The following DMXL1 variants were observed in gnomAD, a reference collection of about 807,000 sequenced individuals.
The protein encoded by DMXL1 is dmX-like protein 1.
Under a neutral mutation model 319.2 loss-of-function variants are expected in DMXL1, and 99 were observed. The ratio of observed to expected loss-of-function variants is 0.31; its 90% CI spans 0.26 to 0.37. The LOEUF is 0.37. Ranked by LOEUF, DMXL1 falls within the 10% of genes least tolerant of loss-of-function variation. DMXL1 has a pLI of 1.00. For missense variants in DMXL1, 3,745 were observed against 3,595.6 expected, an observed-to-expected ratio of 1.04 and a Z score of -1.06; for synonymous variants, 1,385 against 1,235.2, an observed-to-expected ratio of 1.12 and a Z score of -2.54.
intron 1 of DMXL1, among the ~76,000 whole-genome samples, chr5:119,090,077 A>G (rs1293929042): frequency 2.5e-5 from 3 of 117,672 alleles, no homozygotes; most frequent in African/African-American, 3.3e-5. Context: ...CTGGAGTGCA[A>G]TGGTGAGATC....
At chr5:119,197,134 T>G (rs1779782218) in intron 31 of DMXL1, among the ~76,000 whole-genome samples, 5 of 152,212 alleles carry the variant, frequency 3.3e-5, no homozygotes. Flanking sequence ...AAGTATTATT[T>G]AATTTTAACT....
intron 28 of DMXL1, chr5:119,178,528 G>C (rs1409600361): frequency 2.5e-6 from 2 of 803,678 alleles, no homozygotes; most frequent in Non-Finnish European, 3.0e-6. Flanking sequence ...TGTAATATTG[G>C]TTTTTGTTCT....
chr5:119,216,879 T>C (rs1402853132), intron 34 of DMXL1, 22 bp from the exon 35 acceptor site: 1 of 1,351,090 alleles, frequency 7.4e-7, no homozygotes, highest in Non-Finnish European at 1.1e-6. Flanking sequence ...TGCATTTTTG[T>C]GTTTTGTTTC....
chr5:119,079,019 T>C (rs1250154040), intron 1 of DMXL1, among the ~76,000 whole-genome samples: 1 of 152,214 alleles, frequency 6.6e-6, no homozygotes, highest in Non-Finnish European at 1.5e-5. Flanking sequence ...TTCTTTCTTG[T>C]TCCTGTATAT....
chr5:119,208,957 A>G (rs543446950), intron 34 of DMXL1, among the ~76,000 whole-genome samples: 1 of 152,304 alleles, frequency 6.6e-6, no homozygotes, highest in South Asian at 2.1e-4. Context: ...ATAGAATCAT[A>G]TAATACATCA....
chr5:119,185,389 A>G (rs1373222342), intron 28 of DMXL1, among the ~76,000 whole-genome samples: 2 of 152,140 alleles, frequency 1.3e-5, no homozygotes, highest in Non-Finnish European at 2.9e-5. Context: ...TTTCATTTTT[A>G]TAGATATTTA....
At chr5:119,239,951 C>T (rs1236809059) in intron 41 of DMXL1, among the ~76,000 whole-genome samples, 3 of 131,732 alleles carry the variant, frequency 2.3e-5, no homozygotes, top group African/African-American at 8.1e-5. Context: ...GAGTGTAAAA[C>T]TCCATCTCAA....
Position 119,114,484 on chromosome 5 carries a change from C to G in DMXL1, c.507C>G (p.Ser169=). The change falls in exon 6 of 44, where the codon TCC becomes TCG. Residue 169 remains serine (S), a synonymous_variant. Coordinates refer to ENST00000539542, the MANE Select transcript of DMXL1 (RefSeq NM_001290321.3). ...WKCIWHCKTA[S]QVHLMKFSPD... ...TCTGTTTAATTTACAGAACTGCTTC[C>G]CAAGTTCATTTAATGAAATTTTCAC... 2 of 1,606,326 alleles carry G rather than the reference C, an allele frequency of 1.2e-6. No homozygotes were observed. The highest frequency in any genetic ancestry group is 1.7e-6 in the Non-Finnish European group (2 of 1,176,888).
intron 9 of DMXL1, chr5:119,127,903 C>T (rs559537663): frequency 5.6e-6 from 2 of 358,410 alleles, no homozygotes; most frequent in East Asian, 8.4e-5. Flanking sequence ...ATGATATTCA[C>T]TTTTTCAAGC....
intron 4 of DMXL1, among the ~76,000 whole-genome samples, chr5:119,107,492 A>G (rs1012203150): frequency 6.6e-6 from 1 of 152,120 alleles, no homozygotes; most frequent in Non-Finnish European, 1.5e-5. Flanking sequence ...TAGACTTTTT[A>G]TGCTTTTTTC....
chr5:119,175,455 T>A, intron 26 of DMXL1, 118 bp downstream of exon 26: 1 of 688,160 alleles, frequency 1.5e-6, no homozygotes, highest in Non-Finnish European at 2.3e-6. Context: ...AAAAAGCATA[T>A]GGTTGAGGTT....
chr5:119,116,184 T>C lies in DMXL1; in HGVS notation c.591T>C (p.Tyr197=), dbSNP rs1451037872. Residue 197 remains tyrosine, a synonymous_variant, in exon 7 of 44, where the codon TAT becomes TAC. Coordinates refer to ENST00000539542, the MANE Select transcript of DMXL1 (RefSeq NM_001290321.3). The part of the protein sequence containing the change: ...GKDDCLLKVW[Y]NVENWRTAVT... ...ATGACTGTCTTTTGAAGGTTTGGTA[T>C]AATGTAGAAAACTGGCGGACAGCTG... 6 of 1,613,386 alleles carry C rather than the reference T, an allele frequency of 3.7e-6. No homozygotes were observed. Among genetic ancestry groups the C allele is most frequent in the Non-Finnish European group, 5.1e-6 (6 of 1,179,530 alleles).
At chr5:119,157,280 T>G (rs769800024) in intron 19 of DMXL1, among the ~76,000 whole-genome samples, 64 of 152,372 alleles carry the variant, frequency 4.2e-4, no homozygotes, top group Non-Finnish European at 8.1e-4. Context: ...GCTTTTCTCT[T>G]CACTCTGCTA....
At chr5:119,109,028 C>T (rs776141644) in intron 4 of DMXL1, among the ~76,000 whole-genome samples, 7 of 148,634 alleles carry the variant, frequency 4.7e-5, no homozygotes, top group South Asian at 2.1e-4. Flanking sequence ...CTTGGACTCC[C>T]GACCTCAGGT....
intron 4 of DMXL1, among the ~76,000 whole-genome samples, chr5:119,108,827 G>T (rs1051527659): frequency 2.6e-5 from 4 of 151,732 alleles, no homozygotes; most frequent in African/African-American, 9.7e-5. Context: ...TTGAGGTGGT[G>T]TTTCGCTCTT....
chr5:119,132,765 A>C lies in DMXL1; in HGVS notation c.1316-367A>C, dbSNP rs147599312. 1.1e-4 allele frequency: 57 copies of C among 542,542 alleles called. No individual in the cohort carries two copies. The East Asian group carries it at 3.0e-3, about 28-fold the overall frequency. The allele number at this position is 542,542 out of a possible 1,614,324, so 33.6% of individuals were successfully genotyped here. A position where few individuals can be genotyped will look rare whatever the true frequency, so the allele number is the denominator to read the frequency against. On this transcript the variant is annotated intron_variant, in intron 10 of 43. Coordinates refer to ENST00000539542, the MANE Select transcript of DMXL1 (RefSeq NM_001290321.3). ...CTGCTGGCTATGAAACTCACCACCA[A>C]AGGTAAACGATTAATTTGAACTACT...
chr5:119,121,236 G>A, intron 9 of DMXL1, 97 bp downstream of exon 9: 2 of 991,540 alleles, frequency 2.0e-6, no homozygotes, highest in Non-Finnish European at 2.8e-6. Context: ...GTAAAATATT[G>A]GAGGTGACTG....
chr5:119,130,505 G>A (rs1025928550), intron 10 of DMXL1, among the ~76,000 whole-genome samples: 4 of 152,046 alleles, frequency 2.6e-5, no homozygotes, highest in Non-Finnish European at 4.4e-5. Context: ...ACCACACCTG[G>A]CTAATTTTTT....
intron 28 of DMXL1, among the ~76,000 whole-genome samples, chr5:119,182,495 C>A (rs1776950371): frequency 6.6e-6 from 1 of 152,004 alleles, no homozygotes; most frequent in Admixed American, 6.6e-5. Flanking sequence ...CATTTGTTTT[C>A]CTTGTTCTGT....
Sources: gnomAD v4.1 joint callset for allele counts (sites outside exome capture counted in the v4.1 genomes callset) on GRCh38, gnomAD v4.1.1 for gene constraint, MANE v1.5 for transcripts, NCBI Gene and HGNC (gene_info 2026-07-23, HGNC 2026-07-21) for gene names.